Variants in AUTS2 observed in about 807,000 individuals in gnomAD.
AUTS2 encodes the protein activator of transcription and developmental regulator AUTS2.
Under a neutral mutation model 112.4 loss-of-function variants are expected in AUTS2, and 17 were observed. That is an observed-to-expected ratio of 0.15 (90% CI 0.10 to 0.23). AUTS2 has a LOEUF of 0.23. Ranked by LOEUF, AUTS2 falls within the 10% of genes least tolerant of loss-of-function variation. AUTS2 has a pLI of 1.00. For missense variants in AUTS2, 1,510 were observed against 1,701.6 expected (o/e 0.89, Z 1.98); for synonymous variants, 751 against 702.7 (o/e 1.07, Z -1.09).
intron 6 of AUTS2, among the ~76,000 whole-genome samples, chr7:70,738,163 A>C (rs1299385685): frequency 6.6e-6 from 1 of 152,146 alleles, no homozygotes; most frequent in Non-Finnish European, 1.5e-5. Flanking sequence ...TTAGGAAATG[A>C]AGTCTTCCAA....
intron 2 of AUTS2, among the ~76,000 whole-genome samples, chr7:70,045,912 A>G (rs1801484572): frequency 6.6e-6 from 1 of 150,594 alleles, no homozygotes; most frequent in African/African-American, 2.5e-5. Context: ...GGCATGAGCC[A>G]CTGCGCCTGG....
intron 5 of AUTS2, among the ~76,000 whole-genome samples, chr7:70,455,248 G>A (rs889127491): frequency 1.3e-5 from 2 of 152,158 alleles, no homozygotes; most frequent in Non-Finnish European, 2.9e-5. Flanking sequence ...ACCCTGGGGT[G>A]GGTGGGAAGA....
At chr7:70,134,059 C>G (rs139273496) in intron 3 of AUTS2, among the ~76,000 whole-genome samples, 1 of 152,248 alleles carries the variant, frequency 6.6e-6, no homozygotes, top group Non-Finnish European at 1.5e-5. Flanking sequence ...GCAAGTAGGT[C>G]ATACACTGGA....
intron 4 of AUTS2, among the ~76,000 whole-genome samples, chr7:70,174,821 T>C (rs1303474290): frequency 1.3e-5 from 2 of 152,172 alleles, no homozygotes; most frequent in Non-Finnish European, 2.9e-5. Flanking sequence ...TTTTAAAGTA[T>C]TACTATTCAT....
chr7:70,340,194 A>ACCCCC (rs1554372671), intron 4 of AUTS2, among the ~76,000 whole-genome samples: 1 of 151,006 alleles, frequency 6.6e-6, no homozygotes, highest in African/African-American at 2.4e-5. Flanking sequence ...ACACACACAC[A>ACCCCC]CCCCGTAATA....
chr7:70,615,574 G>C (rs1804317804), intron 5 of AUTS2, among the ~76,000 whole-genome samples: 2 of 150,868 alleles, frequency 1.3e-5, no homozygotes, highest in Admixed American at 1.3e-4. Context: ...GCTTGTTGTT[G>C]TTGTTGTTGT....
chr7:69,843,289 G>C (rs910084722), intron 1 of AUTS2, among the ~76,000 whole-genome samples: 1 of 152,080 alleles, frequency 6.6e-6, no homozygotes, highest in Non-Finnish European at 1.5e-5. Context: ...CAAATAAAAT[G>C]GGTTCATTAG....
At chr7:69,722,965 C>T (rs1367106338) in intron 1 of AUTS2, among the ~76,000 whole-genome samples, 1 of 151,846 alleles carries the variant, frequency 6.6e-6, no homozygotes, top group Non-Finnish European at 1.5e-5. Flanking sequence ...CTTTTTGCTG[C>T]TTGTTTTCTA....
At chr7:70,249,433 G>C (rs559251428) in intron 4 of AUTS2, among the ~76,000 whole-genome samples, 1 of 152,088 alleles carries the variant, frequency 6.6e-6, no homozygotes, top group South Asian at 2.1e-4. Flanking sequence ...AGTTTAGTGC[G>C]CATTAGAATA....
At chr7:69,856,223 G>C (rs758700994) in intron 1 of AUTS2, among the ~76,000 whole-genome samples, 3 of 152,056 alleles carry the variant, frequency 2.0e-5, no homozygotes, top group African/African-American at 7.2e-5. Flanking sequence ...GAACTTTCTT[G>C]TTCCACCTAG....
rs150007213 is a variant in AUTS2, at chr7:69,643,742, A to G, written c.309+43780A>G. ...CAATTGCAGCAGTAAGTAAATTTGA[A>G]GAAGCTCCCTGATATTGAGTGAATT... is the stretch of plus-strand genomic sequence containing the variant. On this transcript the variant is annotated intron_variant, in intron 1 of 18. Transcript: ENST00000342771. Among the ~76,000 whole-genome samples the G allele has an allele frequency of 8.1e-3, 1,238 of 152,286 alleles. 8 individuals carry two copies. Among genetic ancestry groups the G allele is most frequent in the Non-Finnish European group, 0.013 (882 of 68,024 alleles).
intron 1 of AUTS2, among the ~76,000 whole-genome samples, chr7:69,716,912 G>A (rs528864250): frequency 6.6e-6 from 1 of 152,250 alleles, no homozygotes; most frequent in African/African-American, 2.4e-5. Context: ...GAGATGCGTA[G>A]GGCAAGATAG....
At chr7:70,527,608 A>T (rs971984702) in intron 5 of AUTS2, among the ~76,000 whole-genome samples, 3 of 152,164 alleles carry the variant, frequency 2.0e-5, no homozygotes, top group Non-Finnish European at 4.4e-5. Context: ...ACCCTATGCT[A>T]CCTTTTCCTT....
intron 5 of AUTS2, among the ~76,000 whole-genome samples, chr7:70,451,394 A>G (rs1419075157): frequency 2.0e-5 from 3 of 152,206 alleles, no homozygotes; most frequent in East Asian, 1.9e-4. Context: ...TTAAACTACA[A>G]AATAACTGTA....
Position 70,787,371 on chromosome 7 carries a change from A to G in AUTS2, c.2471A>G (p.His824Arg), listed in dbSNP as rs755547003. Residue 824 changes from histidine to arginine, a missense_variant, in exon 18 of 19, where the codon CAT (histidine) becomes CGT (arginine). Transcript: ENST00000342771. The part of the protein sequence containing the change: ...ELERSASAAA[H>R]DRDRDVDKRD... ...GAGCGCAGCGCGTCCGCTGCAGCTC[A>G]TGACAGAGATAGAGATGTAGATAAA... 3.1e-6 allele frequency: 5 copies of G among 1,613,986 alleles called. No individual in the cohort carries two copies. The highest frequency in any genetic ancestry group is 1.1e-5 in the South Asian group (1 of 91,078).
At chr7:70,499,871 C>T (rs528708612) in intron 5 of AUTS2, among the ~76,000 whole-genome samples, 1 of 152,292 alleles carries the variant, frequency 6.6e-6, no homozygotes, top group African/African-American at 2.4e-5. Flanking sequence ...TGATAGAATC[C>T]ATTTCAAGAG....
intron 4 of AUTS2, among the ~76,000 whole-genome samples, chr7:70,435,202 C>T (rs1213895251): frequency 6.6e-6 from 1 of 152,234 alleles, no homozygotes; most frequent in African/African-American, 2.4e-5. Flanking sequence ...AGGCAGCCAT[C>T]ACAAGTGGTG....
In AUTS2 at chr7:70,312,125, C is replaced by T. The variant is rs187996401; in HGVS notation, c.661-123627C>T. On this transcript the variant is annotated intron_variant, in intron 4 of 18. Coordinates refer to ENST00000342771, the MANE Select transcript of AUTS2 (RefSeq NM_015570.4). ...CCACCTGCCTCAGCCTCCCACAGTG[C>T]TGGGATTACAAGCGTGAGCCACCAC... 5.3e-5 allele frequency among the ~76,000 whole-genome samples: 8 copies of T among 152,304 alleles called. 1 individual carries two copies. The South Asian group carries it at 1.7e-3, about 32-fold the overall frequency.
At chr7:70,360,616 C>T (rs1177123450) in intron 4 of AUTS2, among the ~76,000 whole-genome samples, 5 of 152,142 alleles carry the variant, frequency 3.3e-5, no homozygotes, top group Admixed American at 2.6e-4. Flanking sequence ...AGTTGGGCAG[C>T]GGGACTAATT....
Sources: allele counts gnomAD v4.1 joint callset (sites outside exome capture counted in the v4.1 genomes callset), GRCh38; gene constraint gnomAD v4.1.1; transcripts MANE v1.5; gene names NCBI Gene and HGNC (gene_info 2026-07-23, HGNC 2026-07-21).